STAM: variants seen among roughly 807,000 people sequenced by gnomAD.
The protein encoded by STAM is signal transducing adaptor molecule, also known as signal transducing adapter molecule 1.
In STAM, 16 loss-of-function variants were observed where a neutral mutation model predicts 63.4. The ratio of observed to expected loss-of-function variants is 0.25; its 90% CI spans 0.17 to 0.38. STAM has a LOEUF of 0.38. Ranked by LOEUF, STAM falls within the 10% of genes least tolerant of loss-of-function variation. The pLI is 1.00. For synonymous variants in STAM, 238 were observed against 223.9 expected (o/e 1.06, Z -0.56); for missense variants, 636 against 657.1 (o/e 0.97, Z 0.35).
intron 1 of STAM, among the ~76,000 whole-genome samples, chr10:17,653,086 C>T (rs1288139840): frequency 6.6e-6 from 1 of 152,096 alleles, no homozygotes; most frequent in Non-Finnish European, 1.5e-5. Context: ...CTGGCCACTC[C>T]AGAAGGACTA....
rs35052129 is a variant in STAM at position 17,705,187 on chromosome 10, C to CT, written c.1055+171dup. ...ATGTGGAGAATTAGACTCATTTGTC[C>CT]TTTTTTTTAAAGTGAGGATTTGATC... is the stretch of plus-strand genomic sequence containing the variant. On this transcript the variant is annotated intron_variant, in intron 11 of 13. Transcript: ENST00000377524. Among the ~76,000 whole-genome samples, 286 of 151,970 alleles carry CT rather than the reference C, an allele frequency of 1.9e-3. 2 individuals are homozygous for CT. The highest frequency in any genetic ancestry group is 6.6e-3 in the African/African-American group (274 of 41,444).
intron 2 of STAM, among the ~76,000 whole-genome samples, chr10:17,666,622 A>C (rs911557542): frequency 2.0e-4 from 30 of 151,910 alleles, no homozygotes; most frequent in South Asian, 1.0e-3. Flanking sequence ...TGGTCTCGAT[A>C]TCCTGACCTT....
chr10:17,653,385 A>G (rs1554821745), intron 1 of STAM, among the ~76,000 whole-genome samples: 2 of 152,240 alleles, frequency 1.3e-5, no homozygotes. Flanking sequence ...GGTTGTTTTG[A>G]TAAAACAGGA....
At position 17,708,860 on chromosome 10, in the gene STAM, C is replaced by T. The variant is rs1554829714; in HGVS notation, c.1294C>T (p.Pro432Ser). ...CCACCTCCAGAGCTACAGTCTTCCC[C>T]CGGAGCAGCTGTCTTCTCTCAGCCA... is the stretch of plus-strand genomic sequence containing the variant. ...MSHLQSYSLP[P>S]EQLSSLSQAV... Residue 432 changes from proline to serine, a missense_variant, in exon 13 of 14, where the codon CCG becomes TCG. Transcript: ENST00000377524. 3 of 1,614,182 alleles carry T rather than the reference C, an allele frequency of 1.9e-6. No individual in the cohort carries two copies. Among genetic ancestry groups the T allele is most frequent in the Non-Finnish European group, 2.5e-6 (3 of 1,180,018 alleles).
intron 9 of STAM, among the ~76,000 whole-genome samples, 178 bp downstream of exon 9, chr10:17,700,457 T>C (rs1159380868): frequency 6.6e-6 from 1 of 152,172 alleles, no homozygotes; most frequent in African/African-American, 2.4e-5. Context: ...CTCCAGTCCT[T>C]TGTTTGCCGT....
In STAM at chr10:17,649,090, C is replaced by G. The variant is rs114343618; in HGVS notation, c.40+4711C>G. 1.8e-3 allele frequency among the ~76,000 whole-genome samples: 269 copies of G among 152,326 alleles called. 2 individuals are homozygous for G. Among genetic ancestry groups the G allele is most frequent in the African/African-American group, 6.2e-3 (256 of 41,570 alleles). ...AACGTCATTTTCTGAGACGCTTTAC[C>G]TAATAATCTTCTGTAAAAAATATCC... On this transcript the variant is annotated intron_variant, in intron 1 of 13. Transcript: ENST00000377524.
chr10:17,647,968 CT>C, intron 1 of STAM, among the ~76,000 whole-genome samples: 1 of 152,122 alleles, frequency 6.6e-6, no homozygotes, highest in East Asian at 1.9e-4. Flanking sequence ...ATTCTTAGTT[CT>C]TTGCCCAAAC....
intron 2 of STAM, 117 bp downstream of exon 2, chr10:17,660,665 C>T (rs1554822783): frequency 9.1e-6 from 6 of 660,450 alleles, no homozygotes; most frequent in South Asian, 7.5e-5. Flanking sequence ...GTGGGAGGAT[C>T]GCTTGAGCCC....
chr10:17,651,852 A>T (rs1833754100), intron 1 of STAM, among the ~76,000 whole-genome samples: 1 of 152,128 alleles, frequency 6.6e-6, no homozygotes, highest in Admixed American at 6.6e-5. Context: ...TTTCCTCACC[A>T]CCTAAATGTG....
chr10:17,706,949 T>C (rs1554829341), intron 12 of STAM, among the ~76,000 whole-genome samples: 1 of 152,218 alleles, frequency 6.6e-6, no homozygotes, highest in Admixed American at 6.5e-5. Flanking sequence ...CAACAAAATA[T>C]ATTTCCATAA....
rs7919461 is a variant in STAM at position 17,691,170 on chromosome 10, T to C, written c.445-2052T>C. ...TAGAGATAGGTCAGAATTGAGAGTG[T>C]TTAAAGTTGTATTCTGTGAACACCA... On this transcript the variant is annotated intron_variant, in intron 5 of 13. Coordinates refer to ENST00000377524, the MANE Select transcript of STAM (RefSeq NM_003473.4). 5.2e-3 allele frequency among the ~76,000 whole-genome samples: 797 copies of C among 152,294 alleles called. 12 individuals carry two copies. The highest frequency in any genetic ancestry group is 0.019 in the African/African-American group (772 of 41,558).
chr10:17,705,301 A>T (rs1246557157), intron 11 of STAM, among the ~76,000 whole-genome samples: 1 of 152,222 alleles, frequency 6.6e-6, no homozygotes, highest in African/African-American at 2.4e-5. Flanking sequence ...CTGAAGTGGC[A>T]TTACCAGAGC....
At chr10:17,644,552 C>T (rs1349147863) in intron 1 of STAM, among the ~76,000 whole-genome samples, 173 bp downstream of exon 1, 2 of 152,150 alleles carry the variant, frequency 1.3e-5, no homozygotes, top group Non-Finnish European at 1.5e-5. Flanking sequence ...GGCGCATCCT[C>T]TTTGAAAGAA....
chr10:17,673,981 G>A (rs573995373), intron 2 of STAM, among the ~76,000 whole-genome samples: 16 of 152,166 alleles, frequency 1.1e-4, no homozygotes, highest in Admixed American at 6.6e-4. Context: ...ATGAGTAAGC[G>A]TTGACTAAGA....
intron 2 of STAM, among the ~76,000 whole-genome samples, chr10:17,666,535 C>T (rs1464761265): frequency 6.6e-6 from 1 of 151,982 alleles, no homozygotes. Context: ...GCTGGGACTA[C>T]AGGCACCCGC....
chr10:17,707,600 C>T (rs1836351866), intron 12 of STAM, among the ~76,000 whole-genome samples: 2 of 151,990 alleles, frequency 1.3e-5, no homozygotes, highest in Admixed American at 6.6e-5. Flanking sequence ...TCTTGATCAC[C>T]AGTTTGAGAC....
At position 17,644,205 on chromosome 10, in the gene STAM, G is replaced by A; in HGVS notation, c.-135G>A. On this transcript the variant is annotated 5_prime_UTR_variant, in exon 1 of 14. Transcript: ENST00000377524. ...CCGCGGTTGGTGGGGTTGGGTGAGA[G>A]GAGGAGCTGTCGCGGACCCTGTAGA... 5.4e-6 allele frequency: 5 copies of A among 927,094 alleles called. No homozygotes were observed. Among genetic ancestry groups the A allele is most frequent in the Non-Finnish European group, 8.5e-6 (5 of 589,032 alleles). The allele number at this position is 927,094 out of a possible 1,614,324, so 57.4% of individuals were successfully genotyped here.
intron 9 of STAM, among the ~76,000 whole-genome samples, chr10:17,700,726 T>G (rs1835956759): frequency 6.6e-6 from 1 of 152,156 alleles, no homozygotes; most frequent in African/African-American, 2.4e-5. Context: ...GTTTTTACAC[T>G]CGTATTCATA....
chr10:17,678,078 C>A (rs1291822296), intron 2 of STAM, among the ~76,000 whole-genome samples: 1 of 152,090 alleles, frequency 6.6e-6, no homozygotes, highest in South Asian at 2.1e-4. Flanking sequence ...AATTCCTGAA[C>A]AATCATCATC....
Sources: gnomAD v4.1 joint callset for allele counts (sites outside exome capture counted in the v4.1 genomes callset) on GRCh38, gnomAD v4.1.1 for gene constraint, MANE v1.5 for transcripts, NCBI Gene and HGNC (gene_info 2026-07-23, HGNC 2026-07-21) for gene names.